MTERF4: variants seen among roughly 807,000 people sequenced by gnomAD.
MTERF4 encodes the protein mitochondrial transcription termination factor 4.
A neutral mutation model predicts 22.5 loss-of-function variants in MTERF4; 17 were observed. The observed-to-expected ratio is 0.75, with a 90% CI of 0.52 to 1.13. The LOEUF is 1.13. Among genes scored for constraint, MTERF4 ranks in the 50% most tolerant of loss-of-function variants. The pLI is 0.00. For synonymous variants in MTERF4, 165 were observed against 175.3 expected (o/e 0.94, Z 0.47); for missense variants, 420 against 466.8 (o/e 0.90, Z 0.92).
the MTERF4 span, among the ~76,000 whole-genome samples, chr2:241,046,026 T>C: frequency 6.6e-6 from 1 of 152,152 alleles, no homozygotes; most frequent in South Asian, 2.1e-4. Flanking sequence ...CCACAAAAGA[T>C]ACATATATGG....
the MTERF4 span, chr2:241,064,045 A>G: frequency 2.6e-6 from 4 of 1,560,450 alleles, no homozygotes; most frequent in South Asian, 2.4e-5. This position sits in a 1 kb window ranked among gnomAD's most constrained non-coding sequence, Gnocchi z 7.0. Context: ...CCCTGCCAGC[A>G]TGGAGGCCGG....
the MTERF4 span, chr2:241,064,106 C>A: frequency 1.9e-6 from 3 of 1,564,092 alleles, no homozygotes; most frequent in Non-Finnish European, 1.7e-6. This position sits in a 1 kb window ranked among gnomAD's most constrained non-coding sequence, Gnocchi z 7.0. Flanking sequence ...AGAGCTTCTT[C>A]GGCTACCACT....
rs1195705360 is a variant in MTERF4, at chr2:241,073,508, C to A, written n.2654G>T. The A allele has an allele frequency of 7.1e-6, 5 of 708,252 alleles. No homozygotes were observed. Among genetic ancestry groups the A allele is most frequent in the Non-Finnish European group, 1.3e-5 (5 of 393,586 alleles). 43.9% of individuals were successfully genotyped at this position (708,252 alleles called of 1,614,324 possible). A position where few individuals can be genotyped will look rare whatever the true frequency, so the allele number is the denominator to read the frequency against. On this transcript the variant is annotated non_coding_transcript_exon_variant, in exon 5 of 5. Coordinates refer to the MTERF4 transcript ENST00000464344. This position sits in a 1 kb window ranked among gnomAD's most constrained non-coding sequence, Gnocchi z 6.6. ...AGGGGAGGCTGAGCACCAGGCACCC[C>A]GGTGTGGGAAGATGGGGTGAAGCTA...
At chr2:241,089,446 C>T, downstream of MTERF4, 1 of 1,545,758 alleles carries the variant, frequency 6.5e-7, no homozygotes, top group Non-Finnish European at 8.7e-7. Flanking sequence ...TATAGGCTCA[C>T]ACACACCAAA....
chr2:241,094,237 G>A (rs750333126), downstream of MTERF4: 34 of 462,820 alleles, frequency 7.3e-5, no homozygotes, highest in Non-Finnish European at 1.4e-4. The surrounding 1 kb of genome is among the most constrained non-coding windows in gnomAD (Gnocchi z 4.3). Context: ...CTCCAGTAGA[G>A]AACCCAACAG....
chr2:241,063,725 C>T, the MTERF4 span: 1 of 1,471,730 alleles, frequency 6.8e-7, no homozygotes. Flanking sequence ...CAGTGGGCCC[C>T]ACATGCAGAG....
At chr2:241,065,673 C>T in the MTERF4 span, 8 of 1,290,698 alleles carry the variant, frequency 6.2e-6, no homozygotes, top group South Asian at 2.7e-5. Flanking sequence ...ACCTGCAGGG[C>T]GGCTGTCATG....
At chr2:241,063,993 C>T in the MTERF4 span, 84 of 1,530,918 alleles carry the variant, frequency 5.5e-5, no homozygotes, top group Non-Finnish European at 7.1e-5. Context: ...CTTGGGCCCA[C>T]TCTCTGGGTG....
intron 3 of MTERF4, 165 bp downstream of exon 3, chr2:241,097,078 G>T (rs1342106232): frequency 8.2e-6 from 6 of 729,596 alleles, no homozygotes; most frequent in South Asian, 7.5e-5. Flanking sequence ...GGTGTCCGAG[G>T]CTTCTTATCC....
the MTERF4 span, chr2:241,063,465 G>A: frequency 1.4e-6 from 1 of 727,924 alleles, no homozygotes; most frequent in South Asian, 1.5e-5. Context: ...CACATGTCCT[G>A]AGTAGTTGCT....
At chr2:241,086,152 C>T (rs1262681134), downstream of MTERF4, among the ~76,000 whole-genome samples, 2 of 152,138 alleles carry the variant, frequency 1.3e-5, no homozygotes. Context: ...CAGGAGTGAG[C>T]CACCGCACCT....
the MTERF4 span, among the ~76,000 whole-genome samples, chr2:241,047,844 C>T: frequency 1.3e-5 from 2 of 151,990 alleles, no homozygotes; most frequent in East Asian, 3.9e-4. Context: ...GCTTCTTGTT[C>T]TGTCCAATCC....
downstream of MTERF4, chr2:241,087,681 C>A: frequency 7.3e-7 from 1 of 1,368,984 alleles, no homozygotes. Flanking sequence ...AGGGGCACAG[C>A]CGGGCATGCT....
At chr2:241,086,551 G>C (rs889221675), downstream of MTERF4, among the ~76,000 whole-genome samples, 1 of 152,150 alleles carries the variant, frequency 6.6e-6, no homozygotes, top group Non-Finnish European at 1.5e-5. Context: ...TTACAGTCTC[G>C]TGTTGTCTGT....
At chr2:241,064,748 C>T in the MTERF4 span, 24 of 839,886 alleles carry the variant, frequency 2.9e-5, no homozygotes, top group South Asian at 2.3e-4. The surrounding 1 kb of genome is among the most constrained non-coding windows in gnomAD (Gnocchi z 7.0). Context: ...TCCACACCCA[C>T]GCAGGAGGGA....
downstream of MTERF4, among the ~76,000 whole-genome samples, chr2:241,082,905 A>G (rs1223098558): frequency 6.6e-6 from 1 of 151,752 alleles, no homozygotes. Context: ...CTTACTGAGC[A>G]CCTGCTGTGT....
chr2:241,048,625 C>T, the MTERF4 span: 2 of 1,561,802 alleles, frequency 1.3e-6, no homozygotes, highest in Middle Eastern at 1.7e-4. Flanking sequence ...TCTTTCTGCG[C>T]CCCCACATGG....
the MTERF4 span, chr2:241,063,627 G>T: frequency 2.0e-5 from 33 of 1,611,926 alleles, no homozygotes; most frequent in Non-Finnish European, 2.7e-5. Flanking sequence ...GAAATGGAGG[G>T]TCCTGCAGGA....
downstream of MTERF4, among the ~76,000 whole-genome samples, chr2:241,068,523 G>C (rs2062562108): frequency 1.3e-5 from 2 of 152,142 alleles, no homozygotes; most frequent in South Asian, 4.1e-4. This position sits in a 1 kb window ranked among gnomAD's most constrained non-coding sequence, Gnocchi z 5.3. Flanking sequence ...CCTGGGGCTG[G>C]GGTGGCATTG....
Sources: allele counts gnomAD v4.1 joint callset (sites outside exome capture counted in the v4.1 genomes callset), GRCh38; gene constraint gnomAD v4.1.1; non-coding constraint Gnocchi (gnomAD v3.1); transcripts MANE v1.5; gene names NCBI Gene and HGNC (gene_info 2026-07-23, HGNC 2026-07-21).